The following MACF1 variants were observed in gnomAD, a reference collection of about 807,000 sequenced individuals.
MACF1 encodes microtubule-actin cross-linking factor 1.
In MACF1, 193 loss-of-function variants were observed where a neutral mutation model predicts 854.8. That is an observed-to-expected ratio of 0.23 (90% confidence interval 0.20 to 0.25). The LOEUF (loss-of-function observed/expected upper bound fraction) is 0.25. MACF1 is among the 10% of genes least tolerant of loss of function. The probability of loss-of-function intolerance (pLI) is 1.00; values close to 1 mark genes in which losing one functional copy is unlikely to be tolerated. For synonymous variants in MACF1, 3,185 were observed against 3,226.7 expected (o/e 0.99, Z 0.44); for missense variants, 7,722 against 8,929.1 (o/e 0.86, Z 5.45).
At chr1:39,187,895 T>TCTGTCTCTCTCTCTC (rs1553160207) in intron 2 of MACF1, among the ~76,000 whole-genome samples, 4 of 68,398 alleles carry the variant, frequency 5.8e-5, no homozygotes, top group Admixed American at 3.9e-4. Context: ...TCTCTCTCTC[T>TCTGTCTCTCTCTCTC]CTCTCTCCTC....
intron 2 of MACF1, among the ~76,000 whole-genome samples, chr1:39,169,746 C>G (rs891356122): frequency 6.6e-6 from 1 of 150,982 alleles, no homozygotes; most frequent in Non-Finnish European, 1.5e-5. Flanking sequence ...CATTCATTCT[C>G]TCTCCTTGCC....
At position 39,361,498 on chromosome 1, in the gene MACF1, G is replaced by A. The variant is rs770148341; in HGVS notation, c.12592G>A (p.Glu4198Lys). The change falls in exon 49 of 101, where the codon GAA (glutamate) becomes AAA (lysine). Residue 4198 changes from glutamate to lysine, a missense_variant. Around this residue, in one of 15 missense-constraint regions of MACF1, gnomAD observed 2,807 missense variants for 3,235.8 expected, o/e 0.87. Transcript: ENST00000564288. ...ACTGGCAGAGGTGAGCCAGCGGTTCGAACAGCTCTGTCTACAGCAGCAAGA... is the reference window on the plus strand; with the variant it reads ...ACTGGCAGAGGTGAGCCAGCGGTTCAAACAGCTCTGTCTACAGCAGCAAGA... ...GKLAEVSQRF[E>K]QLCLQQQEKE... 9.3e-6 allele frequency: 15 copies of A among 1,614,026 alleles called. No homozygotes were observed. The highest frequency in any genetic ancestry group is 2.2e-5 in the East Asian group (1 of 44,900).
chr1:39,202,370 C>G (rs1644401867), upstream of MACF1, among the ~76,000 whole-genome samples: 1 of 151,374 alleles, frequency 6.6e-6, no homozygotes, highest in Admixed American at 6.6e-5. Context: ...GGCGCAGTGG[C>G]TCACACCTGT....
intron 58 of MACF1, among the ~76,000 whole-genome samples, chr1:39,401,669 A>G (rs533401025): frequency 1.3e-5 from 2 of 152,378 alleles, no homozygotes; most frequent in African/African-American, 2.4e-5. Flanking sequence ...CAAAGAAATT[A>G]TATGTGCCTT....
rs1296756202 is a variant in MACF1, at chr1:39,452,666, T to C, written c.20614-18T>C. 1 of 1,612,226 alleles carries C rather than the reference T, an allele frequency of 6.2e-7. No individual in the cohort carries two copies. The highest frequency in any genetic ancestry group is 8.5e-7 in the Non-Finnish European group (1 of 1,179,914). ...GGCTGCAGAGAGAGGTTGAATCTTT[T>C]GTGCTTGGTTATTTCAGGCGGAAGT... On this transcript the variant is annotated intron_variant, in intron 86 of 100. Coordinates refer to ENST00000564288, the MANE Select transcript of MACF1 (RefSeq NM_001394062.1).
At chr1:39,186,212 CTCTGTGTGTGTGTGTGTG>C (rs1433015014) in intron 2 of MACF1, among the ~76,000 whole-genome samples, 15 of 80,080 alleles carry the variant, frequency 1.9e-4, no homozygotes, top group African/African-American at 6.5e-4. Flanking sequence ...CTCTCTCTCT[CTCTGTGTGTGTGTGTGTG>C]TGTGTGTGTG....
At position 39,302,904 on chromosome 1, in the gene MACF1, T is replaced by C. The variant is rs1240860917; in HGVS notation, c.2635-20T>C. Reference sequence around the variant, plus strand: ...TGTTGGTTTATCCATTAGCAATCACTGGTAAATTTATCTCTTCAGATTACT... The same window carrying C: ...TGTTGGTTTATCCATTAGCAATCACCGGTAAATTTATCTCTTCAGATTACT... On this transcript the variant is annotated intron_variant, in intron 22 of 100. Coordinates refer to ENST00000564288, the MANE Select transcript of MACF1 (RefSeq NM_001394062.1). 6.8e-6 allele frequency: 11 copies of C among 1,607,552 alleles called. No homozygotes were observed. Among genetic ancestry groups the C allele is most frequent in the African/African-American group, 1.3e-5 (1 of 74,988 alleles).
At chr1:39,108,524 T>C (rs1642308408) in intron 2 of MACF1, among the ~76,000 whole-genome samples, 1 of 150,204 alleles carries the variant, frequency 6.7e-6, no homozygotes. Context: ...TTTTTTTTTT[T>C]TTTTGAGACG....
At chr1:39,389,081 T>C (rs562569217) in intron 58 of MACF1, among the ~76,000 whole-genome samples, 1 of 151,600 alleles carries the variant, frequency 6.6e-6, no homozygotes. Flanking sequence ...TCACCATGTC[T>C]CCCAGGCTGG....
chr1:39,379,070 G>A (rs1649966511), intron 53 of MACF1, 133 bp from the exon 54 acceptor site: 1 of 987,800 alleles, frequency 1.0e-6, no homozygotes, highest in Non-Finnish European at 1.5e-6. Context: ...GGGAACTTTT[G>A]TATGATTTAG....
intron 87 of MACF1, among the ~76,000 whole-genome samples, chr1:39,453,365 T>C (rs1307191473): frequency 6.6e-6 from 1 of 152,208 alleles, no homozygotes; most frequent in Non-Finnish European, 1.5e-5. Context: ...CCAATACAAA[T>C]ATGTTTACCA....
At chr1:39,345,904 C>T (rs1056732413) in intron 40 of MACF1, among the ~76,000 whole-genome samples, 14 of 151,846 alleles carry the variant, frequency 9.2e-5, no homozygotes, top group Admixed American at 3.3e-4. Flanking sequence ...CCTGTCTCTA[C>T]TAAAAATACA....
intron 40 of MACF1, among the ~76,000 whole-genome samples, chr1:39,341,653 G>A (rs534896405): frequency 2.1e-4 from 32 of 151,796 alleles, no homozygotes; most frequent in East Asian, 1.6e-3. Context: ...AGCCAAGACC[G>A]CGCCATTGCA....
intron 97 of MACF1, 36 bp from the exon 98 acceptor site, chr1:39,479,762 G>A (rs1644981063): frequency 6.3e-7 from 1 of 1,578,260 alleles, no homozygotes; most frequent in Non-Finnish European, 8.7e-7. Context: ...TTTTTTAGAA[G>A]AACTGACATT....
intron 2 of MACF1, among the ~76,000 whole-genome samples, chr1:39,148,013 T>G (rs1643503634): frequency 6.6e-6 from 1 of 152,204 alleles, no homozygotes; most frequent in African/African-American, 2.4e-5. Flanking sequence ...TTGTTCATAC[T>G]GTAATCTTTT....
chr1:39,153,385 A>G (rs1456838931), intron 2 of MACF1, among the ~76,000 whole-genome samples: 1 of 152,216 alleles, frequency 6.6e-6, no homozygotes, highest in Non-Finnish European at 1.5e-5. Context: ...TCAGTTGCTC[A>G]GTGCTTCTTA....
In MACF1 at chr1:39,458,504, C is replaced by A. The variant is rs773451144; in HGVS notation, c.21196+14C>A. 5 of 1,609,950 alleles carry A rather than the reference C, an allele frequency of 3.1e-6. No individual in the cohort carries two copies. The South Asian group carries it at 5.5e-5, about 18-fold the overall frequency. Reference sequence around the variant, plus strand: ...GCAGCGGAGGCAGTATGTTTCCAGCCCCCTGTGTTAGGATGCTTCATTCCT... The same window carrying A: ...GCAGCGGAGGCAGTATGTTTCCAGCACCCTGTGTTAGGATGCTTCATTCCT... On this transcript the variant is annotated intron_variant, in intron 90 of 100. Coordinates refer to ENST00000564288, the MANE Select transcript of MACF1 (RefSeq NM_001394062.1).
intron 21 of MACF1, among the ~76,000 whole-genome samples, chr1:39,299,041 A>C (rs1474041407): frequency 1.3e-5 from 2 of 151,952 alleles, no homozygotes; most frequent in African/African-American, 4.8e-5. Context: ...GGTTCTTTTC[A>C]GAACTTTTAC....
chr1:39,371,458 T>G (rs1056801410), intron 51 of MACF1, among the ~76,000 whole-genome samples: 3 of 152,062 alleles, frequency 2.0e-5, no homozygotes, highest in East Asian at 1.9e-4. Context: ...CTAAGTAGAT[T>G]GTCAGGGATA....
Sources: gnomAD v4.1 joint callset for allele counts (sites outside exome capture counted in the v4.1 genomes callset) on GRCh38, gnomAD v4.1.1 for gene constraint, gnomAD v4.1.1 regional missense constraint, MANE v1.5 for transcripts, NCBI Gene and HGNC (gene_info 2026-07-23, HGNC 2026-07-21) for gene names.